TRIM13: variants seen among roughly 807,000 people sequenced by gnomAD.
TRIM13 encodes the protein E3 ubiquitin-protein ligase TRIM13.
Under a neutral mutation model 27.1 loss-of-function variants are expected in TRIM13, and 15 were observed. That is an observed-to-expected ratio of 0.55 (90% CI 0.37 to 0.85). The LOEUF (loss-of-function observed/expected upper bound fraction) is 0.85. TRIM13 is among the 40% of genes least tolerant of loss of function. TRIM13 has a pLI of 0.00. For synonymous variants in TRIM13, 193 were observed against 171.5 expected, an observed-to-expected ratio of 1.13 and a Z score of -0.98; for missense variants, 402 against 472.2, an observed-to-expected ratio of 0.85 and a Z score of 1.38.
rs527826111 is a variant in TRIM13, at chr13:50,000,255, C to G, written c.-7+2492C>G. ...GAACTGCATAGAGAGGTGGACCACT[C>G]TAATACATCATTGGTTAGAGTTCAT... is the stretch of plus-strand genomic sequence containing the variant. On this transcript the variant is annotated intron_variant, in intron 1 of 1. Transcript: ENST00000378182. 2.0e-5 allele frequency among the ~76,000 whole-genome samples: 3 copies of G among 152,250 alleles called. No individual in the cohort carries two copies. The East Asian group carries it at 5.8e-4, about 29-fold the overall frequency.
Position 50,012,659 on chromosome 13 carries a change from A to T in TRIM13, c.719A>T (p.Lys240Ile). The stretch of plus-strand genomic sequence containing the variant: ...GCCTTTAACATTGCTGAGGCTTTCA[A>T]AGATGTGTCAGAACCCATTGTATTT... The part of the protein sequence containing the change: ...RMAFNIAEAF[K>I]DVSEPIVFLQ... Residue 240 changes from lysine to isoleucine, a missense_variant, in exon 2 of 2, where the codon AAA (lysine) becomes ATA (isoleucine). Coordinates refer to ENST00000378182, the MANE Select transcript of TRIM13 (RefSeq NM_213590.3). 6.8e-6 allele frequency: 11 copies of T among 1,614,144 alleles called. No homozygotes were observed. The highest frequency in any genetic ancestry group is 9.3e-6 in the Non-Finnish European group (11 of 1,180,020).
At chr13:50,005,915 C>T (rs962470371) in intron 1 of TRIM13, among the ~76,000 whole-genome samples, 2 of 151,674 alleles carry the variant, frequency 1.3e-5, no homozygotes, top group Non-Finnish European at 2.9e-5. Context: ...CGGGGTTTCT[C>T]CATGTGGGCC....
At chr13:50,004,808 G>A (rs531137375) in intron 1 of TRIM13, among the ~76,000 whole-genome samples, 38 of 151,880 alleles carry the variant, frequency 2.5e-4, no homozygotes, top group Admixed American at 2.3e-3. Flanking sequence ...AGGTGCGGTG[G>A]CTCACGCCTG....
At position 50,015,976 on chromosome 13, in the gene TRIM13, G is replaced by A. The variant is rs112950191; in HGVS notation, c.*2812G>A. ...ATGGTAACTTTTTCCCTCCTCAGAT[G>A]ACCTTACTTCCACTGCCTCCACAAA... is the stretch of plus-strand genomic sequence containing the variant. On this transcript the variant is annotated 3_prime_UTR_variant, in exon 2 of 2. Coordinates refer to ENST00000378182, the MANE Select transcript of TRIM13 (RefSeq NM_213590.3). 18 of 1,613,960 alleles carry A rather than the reference G, an allele frequency of 1.1e-5. No individual in the cohort carries two copies. In the African/African-American group the frequency reaches 2.1e-4, roughly 19 times the overall value.
chr13:49,998,195 C>T (rs1191422574), intron 1 of TRIM13, among the ~76,000 whole-genome samples: 1 of 152,140 alleles, frequency 6.6e-6, no homozygotes, highest in Non-Finnish European at 1.5e-5. Context: ...ACCGGCTATA[C>T]TTCCTTCTTG....
chr13:50,001,879 A>G (rs1316980371), intron 1 of TRIM13, among the ~76,000 whole-genome samples: 3 of 152,184 alleles, frequency 2.0e-5, no homozygotes, highest in Admixed American at 6.5e-5. Context: ...AAAAGAATGA[A>G]GAGTAATAAC....
intron 1 of TRIM13, among the ~76,000 whole-genome samples, chr13:50,006,216 GTT>G (rs1328413225): frequency 6.6e-6 from 1 of 151,962 alleles, no homozygotes. Context: ...TGGGATGACT[GTT>G]TATTATTTCT....
chr13:50,016,322 A>G lies in TRIM13; in HGVS notation c.*3158A>G. 1 of 401,126 alleles carries G rather than the reference A, an allele frequency of 2.5e-6. No homozygotes were observed. The highest frequency in any genetic ancestry group is 4.6e-6 in the Non-Finnish European group (1 of 215,592). 24.8% of individuals were successfully genotyped at this position (401,126 alleles called of 1,614,324 possible). ...AGACTGCCCAGAAAAAACTGAGACT[A>G]TGGACATTCAAATCATGGGAGAAAA... On this transcript the variant is annotated 3_prime_UTR_variant, in exon 2 of 2. Coordinates refer to ENST00000378182, the MANE Select transcript of TRIM13 (RefSeq NM_213590.3).
At position 50,014,086 on chromosome 13, in the gene TRIM13, T is replaced by G; in HGVS notation, c.*922T>G. The G allele has an allele frequency of 6.0e-6, 1 of 166,280 alleles. No homozygotes were observed. The highest frequency in any genetic ancestry group is 1.9e-4 in the East Asian group (1 of 5,148). The allele number at this position is 166,280 out of a possible 1,614,324, so 10.3% of individuals were successfully genotyped here. On this transcript the variant is annotated 3_prime_UTR_variant, in exon 2 of 2. Coordinates refer to ENST00000378182, the MANE Select transcript of TRIM13 (RefSeq NM_213590.3). ...GGAGAGTGGAGCTTTCAATCTGCCCTTTTCTCCTTTGTTTTTGTAGTTTTC... is the reference window on the plus strand; with the variant it reads ...GGAGAGTGGAGCTTTCAATCTGCCCGTTTCTCCTTTGTTTTTGTAGTTTTC...
At chr13:50,004,882 C>A (rs1351796224) in intron 1 of TRIM13, among the ~76,000 whole-genome samples, 1 of 151,952 alleles carries the variant, frequency 6.6e-6, no homozygotes, top group East Asian at 1.9e-4. Flanking sequence ...TTGAGACCAG[C>A]CTGACCAACA....
chr13:50,008,630 C>G (rs1306921740), intron 1 of TRIM13, among the ~76,000 whole-genome samples: 1 of 151,868 alleles, frequency 6.6e-6, no homozygotes, highest in East Asian at 1.9e-4. Flanking sequence ...AGAGCAAGAC[C>G]CTGTCTCTCA....
chr13:50,011,825 G>A, intron 1 of TRIM13, 110 bp from the exon 2 acceptor site: 1 of 1,318,458 alleles, frequency 7.6e-7, no homozygotes, highest in East Asian at 2.3e-5. Flanking sequence ...TGTTTGGCTG[G>A]TTATTTCAGT....
intron 1 of TRIM13, among the ~76,000 whole-genome samples, chr13:50,009,479 G>A (rs1258245170): frequency 3.3e-5 from 5 of 152,152 alleles, no homozygotes; most frequent in African/African-American, 1.2e-4. Flanking sequence ...GCTCACGCCT[G>A]TAATCCCAGC....
In TRIM13 at chr13:50,017,797, C is replaced by T. The variant is rs1449010052; in HGVS notation, c.*4633C>T. 6.0e-6 allele frequency: 1 copy of T among 166,938 alleles called. No individual in the cohort carries two copies. Among genetic ancestry groups the T allele is most frequent in the Non-Finnish European group, 1.5e-5 (1 of 68,082 alleles). 10.3% of individuals were successfully genotyped at this position (166,938 alleles called of 1,614,324 possible). On this transcript the variant is annotated 3_prime_UTR_variant, in exon 2 of 2. Transcript: ENST00000378182. ...TTAGCAATCATTTTTATTTTTTGCT[C>T]ACTCCCTGGTCTGAATCTATCTGTC...
At position 50,011,670 on chromosome 13, in the gene TRIM13, G is replaced by C. The variant is rs28686913; in HGVS notation, c.-6-265G>C. Among the ~76,000 whole-genome samples, 926 of 152,266 alleles carry C rather than the reference G, an allele frequency of 6.1e-3. 11 individuals carry two copies. The highest frequency in any genetic ancestry group is 0.021 in the African/African-American group (882 of 41,558). On this transcript the variant is annotated intron_variant, in intron 1 of 1. Coordinates refer to ENST00000378182, the MANE Select transcript of TRIM13 (RefSeq NM_213590.3). ...CAACTTGCAGTTGTCCTAGTCCTGA[G>C]TCTTGTCTTAGCCAAAGACTGTTGT... is the stretch of plus-strand genomic sequence containing the variant.
chr13:50,009,223 G>C (rs1367537957), intron 1 of TRIM13, among the ~76,000 whole-genome samples: 1 of 152,074 alleles, frequency 6.6e-6, no homozygotes, highest in African/African-American at 2.4e-5. Flanking sequence ...TGCAATAGAG[G>C]CCTGTAATGA....
At position 50,013,237 on chromosome 13, in the gene TRIM13, T is replaced by G. The variant is rs1188082709; in HGVS notation, c.*73T>G. On this transcript the variant is annotated 3_prime_UTR_variant, in exon 2 of 2. Transcript: ENST00000378182. ...ATAGAGAGTGGTAATTCAGATTTGGTCAACGATTCTAGTCACATATTTTCC... is the reference window on the plus strand; with the variant it reads ...ATAGAGAGTGGTAATTCAGATTTGGGCAACGATTCTAGTCACATATTTTCC... The G allele has an allele frequency of 2.9e-6, 4 of 1,397,752 alleles. No individual in the cohort carries two copies. Among genetic ancestry groups the G allele is most frequent in the Non-Finnish European group, 3.8e-6 (4 of 1,040,968 alleles). 86.6% of individuals were successfully genotyped at this position (1,397,752 alleles called of 1,614,324 possible).
intron 1 of TRIM13, among the ~76,000 whole-genome samples, chr13:50,006,158 T>C (rs1240727474): frequency 6.6e-6 from 1 of 152,112 alleles, no homozygotes; most frequent in Non-Finnish European, 1.5e-5. Context: ...CCAAATAGTA[T>C]TTTTTCCCCT....
In TRIM13 at chr13:50,015,097, ATATATATATATATATATAT is replaced by A. The variant is rs1876325211; in HGVS notation, c.*1934_*1952del. 5.9e-4 allele frequency: 2 copies of A among 3,412 alleles called. No individual in the cohort carries two copies. The highest frequency in any genetic ancestry group is 1.3e-3 in the African/African-American group (2 of 1,582). The allele number at this position is 3,412 out of a possible 1,614,324, so 0.2% of individuals were successfully genotyped here. ...TAATAAAAAAAAAAAAAAAAAAAATATATATATATATATATATATATATATATATATATATATATATATA... is the reference window on the plus strand; with the variant it reads ...TAATAAAAAAAAAAAAAAAAAAAATAATATATATATATATATATATATATA... On this transcript the variant is annotated 3_prime_UTR_variant, in exon 2 of 2. Transcript: ENST00000378182.
Sources: gnomAD v4.1 joint callset for allele counts (sites outside exome capture counted in the v4.1 genomes callset) on GRCh38, gnomAD v4.1.1 for gene constraint, MANE v1.5 for transcripts, NCBI Gene and HGNC (gene_info 2026-07-23, HGNC 2026-07-21) for gene names.